Variants in MACROD2 observed in about 807,000 individuals in gnomAD.
MACROD2 encodes mono-ADP ribosylhydrolase 2.
In MACROD2, 36 loss-of-function variants were observed where a neutral mutation model predicts 70.4. The ratio of observed to expected loss-of-function variants is 0.51; its 90% CI spans 0.39 to 0.68. MACROD2 has a LOEUF of 0.68. Among genes scored for constraint, MACROD2 ranks in the 30% least tolerant of loss-of-function variants. MACROD2 has a pLI of 0.00. For synonymous variants in MACROD2, 172 were observed against 178.8 expected, an observed-to-expected ratio of 0.96 and a Z score of 0.30; for missense variants, 496 against 538.4, an observed-to-expected ratio of 0.92 and a Z score of 0.78.
intron 5 of MACROD2, among the ~76,000 whole-genome samples, chr20:15,098,380 A>T (rs1050775995): frequency 2.6e-5 from 4 of 152,148 alleles, no homozygotes; most frequent in Admixed American, 6.5e-5. Flanking sequence ...CTCTCCTCAT[A>T]ACAGTGTTCC....
chr20:14,743,723 T>A (rs565235938), intron 5 of MACROD2, among the ~76,000 whole-genome samples: 26 of 152,334 alleles, frequency 1.7e-4, no homozygotes, highest in Non-Finnish European at 3.7e-4. Flanking sequence ...TCCTTCCATA[T>A]ATGTCCATAT....
At chr20:15,876,939 C>T (rs2064683732) in intron 9 of MACROD2, among the ~76,000 whole-genome samples, 1 of 152,098 alleles carries the variant, frequency 6.6e-6, no homozygotes, top group Non-Finnish European at 1.5e-5. Flanking sequence ...CCCTCACTTG[C>T]TGGTCACTCC....
intron 10 of MACROD2, among the ~76,000 whole-genome samples, chr20:15,901,613 T>TGCTTACA (rs1399443870): frequency 1.3e-5 from 2 of 152,206 alleles, no homozygotes; most frequent in Non-Finnish European, 2.9e-5. Context: ...AATGCATTTT[T>TGCTTACA]GCTTACAGTA....
At chr20:14,086,663 A>G (rs2054079871) in intron 3 of MACROD2, among the ~76,000 whole-genome samples, 1 of 152,170 alleles carries the variant, frequency 6.6e-6, no homozygotes, top group Non-Finnish European at 1.5e-5. Context: ...GTTTTGAGGA[A>G]GGAGAGGAGC....
chr20:15,457,445 G>C (rs1432233018), intron 7 of MACROD2, among the ~76,000 whole-genome samples: 2 of 151,994 alleles, frequency 1.3e-5, no homozygotes, highest in Non-Finnish European at 2.9e-5. Flanking sequence ...CATGTGATTG[G>C]GTCCAAGAGT....
At chr20:15,124,641 C>A (rs1428123014) in intron 5 of MACROD2, among the ~76,000 whole-genome samples, 1 of 151,822 alleles carries the variant, frequency 6.6e-6, no homozygotes, top group African/African-American at 2.4e-5. Context: ...ATCTCCTTAC[C>A]ATTTTTTCTA....
chr20:15,120,719 C>G (rs2076024133), intron 5 of MACROD2, among the ~76,000 whole-genome samples: 1 of 152,186 alleles, frequency 6.6e-6, no homozygotes, highest in Non-Finnish European at 1.5e-5. Context: ...TGCTGATCAT[C>G]TAAAAATAAA....
chr20:15,531,941 T>C (rs1378654713), intron 8 of MACROD2, among the ~76,000 whole-genome samples: 1 of 152,184 alleles, frequency 6.6e-6, no homozygotes, highest in African/African-American at 2.4e-5. Flanking sequence ...AATTCGTGTG[T>C]CTTTTGCAAA....
chr20:15,644,263 C>T (rs1455128329), intron 8 of MACROD2, among the ~76,000 whole-genome samples: 1 of 152,154 alleles, frequency 6.6e-6, no homozygotes, highest in South Asian at 2.1e-4. Flanking sequence ...CCCACCACCT[C>T]CAGCATCTAA....
At chr20:14,559,197 TA>T (rs1410613794) in intron 4 of MACROD2, among the ~76,000 whole-genome samples, 3 of 151,762 alleles carry the variant, frequency 2.0e-5, no homozygotes, top group African/African-American at 7.2e-5. Flanking sequence ...AGTGAAGATA[TA>T]ATTGCCTGCT....
chr20:15,997,596 G>A (rs2066650004), intron 15 of MACROD2, among the ~76,000 whole-genome samples: 1 of 152,110 alleles, frequency 6.6e-6, no homozygotes, highest in South Asian at 2.1e-4. Flanking sequence ...TTTTTTGTTG[G>A]TGTCTGTAAG....
intron 2 of MACROD2, among the ~76,000 whole-genome samples, chr20:14,084,698 T>C (rs1366911219): frequency 6.6e-6 from 1 of 152,102 alleles, no homozygotes; most frequent in Non-Finnish European, 1.5e-5. Flanking sequence ...CTGTTGTGTG[T>C]TGGGGTAGAG....
chr20:15,539,740 C>G (rs1186010349), intron 8 of MACROD2, among the ~76,000 whole-genome samples: 2 of 152,226 alleles, frequency 1.3e-5, no homozygotes, highest in Non-Finnish European at 2.9e-5. Context: ...GTTATCCCAG[C>G]ACTTTGGGAG....
chr20:15,693,837 T>A (rs1024896367), intron 8 of MACROD2, among the ~76,000 whole-genome samples: 8 of 152,104 alleles, frequency 5.3e-5, no homozygotes, highest in African/African-American at 1.9e-4. Context: ...CACTCTACCA[T>A]ATTTGTAGTC....
chr20:14,405,315 A>C (rs116663873), intron 3 of MACROD2, among the ~76,000 whole-genome samples: 2 of 152,176 alleles, frequency 1.3e-5, no homozygotes, highest in Admixed American at 1.3e-4. Flanking sequence ...TTCGGCTGCT[A>C]TGAGACTTTA....
chr20:15,056,127 A>C (rs891821690), intron 5 of MACROD2, among the ~76,000 whole-genome samples: 5 of 152,132 alleles, frequency 3.3e-5, no homozygotes, highest in African/African-American at 1.2e-4. Context: ...GCTGCAAGAC[A>C]GCACCCGACC....
At chr20:15,235,847 T>C (rs2077009123) in intron 6 of MACROD2, among the ~76,000 whole-genome samples, 1 of 152,196 alleles carries the variant, frequency 6.6e-6, no homozygotes. Flanking sequence ...CCCAGACAAC[T>C]CTTCATCTCC....
intron 3 of MACROD2, among the ~76,000 whole-genome samples, chr20:14,130,930 G>GTTTTT (rs11087075): frequency 1.8e-5 from 2 of 109,656 alleles, no homozygotes. Flanking sequence ...TGTTTTTTTT[G>GTTTTT]TTTTTTTTTT....
In MACROD2 at chr20:15,817,626, C is replaced by G. The variant is rs376668536; in HGVS notation, c.646-45119C>G. Among the ~76,000 whole-genome samples, 333 of 152,266 alleles carry G rather than the reference C, an allele frequency of 2.2e-3. 1 individual carries two copies. The highest frequency in any genetic ancestry group is 7.5e-3 in the African/African-American group (311 of 41,550). On this transcript the variant is annotated intron_variant, in intron 8 of 17. Transcript: ENST00000684519. Reference sequence around the variant, plus strand: ...TTAATTTTTCTTTCCTAATGCCTCTCACAACTGTTTCTTCTCTTAATCCCT... The same window carrying G: ...TTAATTTTTCTTTCCTAATGCCTCTGACAACTGTTTCTTCTCTTAATCCCT...
Sources: allele counts gnomAD v4.1 joint callset (sites outside exome capture counted in the v4.1 genomes callset), GRCh38; gene constraint gnomAD v4.1.1; transcripts MANE v1.5; gene names NCBI Gene and HGNC (gene_info 2026-07-23, HGNC 2026-07-21).